Variants in LRP2 observed in about 807,000 individuals in gnomAD.
LRP2 encodes LDL receptor related protein 2.
LRP2 carries 172 observed loss-of-function variants against 531.0 expected under a neutral mutation model. The observed-to-expected ratio is 0.32, with a 90% confidence interval of 0.29 to 0.37. The LOEUF (loss-of-function observed/expected upper bound fraction) is 0.37, where lower values mean the gene tolerates loss of function less well. Among genes scored for constraint, LRP2 ranks in the 10% least tolerant of loss-of-function variants. LRP2 has a pLI of 1.00. For synonymous variants in LRP2, 1,992 were observed against 2,027.6 expected, an observed-to-expected ratio of 0.98 and a Z score of 0.47; for missense variants, 5,167 against 5,868.3, an observed-to-expected ratio of 0.88 and a Z score of 3.90.
At chr2:169,194,026 G>T in intron 46 of LRP2, 134 bp from the exon 47 acceptor site, 2 of 950,146 alleles carry the variant, frequency 2.1e-6, no homozygotes, top group Non-Finnish European at 3.3e-6. Flanking sequence ...ATCTAGGGTA[G>T]TCCTCCAATA....
In LRP2 at chr2:169,213,493, C is replaced by A. The variant is rs980383852; in HGVS notation, c.6040+164G>T. ...TGCCAAATTAGCCCTTGGCACTTAA[C>A]CATGTTTAAGACTTCATTATCATTT... On this transcript the variant is annotated intron_variant, in intron 36 of 78. Transcript: ENST00000649046. Among the ~76,000 whole-genome samples, 7 of 152,332 alleles carry A rather than the reference C, an allele frequency of 4.6e-5. No homozygotes were observed. In the East Asian group the frequency reaches 5.8e-4, roughly 13 times the overall value.
chr2:169,128,762 A>G lies in LRP2; in HGVS notation c.13869T>C (p.Pro4623=). The G allele has an allele frequency of 6.2e-7, 1 of 1,614,114 alleles. No individual in the cohort carries two copies. Among genetic ancestry groups the G allele is most frequent in the Non-Finnish European group, 8.5e-7 (1 of 1,179,976 alleles). ...TTGGGTCTCTTCTCGAAGGAGGCTT[A>G]GGCTTAGCAGGGAGCGAAGGTGATG... ...PPPSPSLPAK[P]KPPSRRDPTP... is the part of the protein sequence containing the mutation. The change falls in exon 79 of 79, where the codon CCT becomes CCC. Residue 4623 remains proline, a synonymous_variant. Coordinates refer to ENST00000649046, the MANE Select transcript of LRP2 (RefSeq NM_004525.3).
In LRP2 at chr2:169,233,442, A is replaced by C. The variant is rs1007040417; in HGVS notation, c.5067T>G (p.Ile1689Met). The C allele has an allele frequency of 6.2e-7, 1 of 1,614,100 alleles. No individual in the cohort carries two copies. Among genetic ancestry groups the C allele is most frequent in the African/African-American group, 1.3e-5 (1 of 74,924 alleles). Reference protein sequence around the residue: ...VMYNIQWPLGIVAVHPSKQPN... With the variant: ...VMYNIQWPLGMVAVHPSKQPN... ...GTTGTTTCGAAGGATGAACCGCAAC[A>C]ATCCCAAGGGGCCATTGAATATTAT... The change falls in exon 30 of 79, where the codon ATT becomes ATG. Residue 1689 changes from isoleucine to methionine, a missense_variant. Ile to Met is a conservative substitution (Grantham distance 10). This residue lies in a region of LRP2 where 2,811 missense variants were observed against 3,058.0 expected (regional missense o/e 0.92). Coordinates refer to ENST00000649046, the MANE Select transcript of LRP2 (RefSeq NM_004525.3).
At position 169,241,211 on chromosome 2, in the gene LRP2, T is replaced by C. The variant is rs764138962; in HGVS notation, c.3822A>G (p.Ser1274=). 5 of 1,614,018 alleles carry C rather than the reference T, an allele frequency of 3.1e-6. No individual in the cohort carries two copies. In the Admixed American group the frequency reaches 5.0e-5, roughly 16 times the overall value. The change falls in exon 25 of 79, where the codon TCA becomes TCG. Residue 1274 remains serine (S), a synonymous_variant. Coordinates refer to ENST00000649046, the MANE Select transcript of LRP2 (RefSeq NM_004525.3). Reference sequence around the variant, plus strand: ...AGTTTCCGTTGTCACAGTGGAAATATGATGAAGGGCAAGTCTTGGGGACAC... The same window carrying C: ...AGTTTCCGTTGTCACAGTGGAAATACGATGAAGGGCAAGTCTTGGGGACAC... ...NACVPKTCPS[S]YFHCDNGNCI...
intron 4 of LRP2, among the ~76,000 whole-genome samples, chr2:169,303,322 A>G (rs1684332800): frequency 6.6e-6 from 1 of 152,232 alleles, no homozygotes; most frequent in Admixed American, 6.5e-5. Flanking sequence ...GCACAGGCAT[A>G]TGGTTTAGAC....
intron 36 of LRP2, among the ~76,000 whole-genome samples, chr2:169,212,512 G>T (rs2105341648): frequency 6.6e-6 from 1 of 152,184 alleles, no homozygotes; most frequent in South Asian, 2.1e-4. Context: ...ATTTGCCTAT[G>T]AACTGGCACT....
chr2:169,172,306 G>A (rs889133233), intron 57 of LRP2, among the ~76,000 whole-genome samples, 172 bp from the exon 58 acceptor site: 14 of 152,140 alleles, frequency 9.2e-5, no homozygotes, highest in Non-Finnish European at 2.9e-5. Flanking sequence ...TAGCTACCCT[G>A]AGCCTATCCT....
At chr2:169,217,972 A>G (rs1197067099) in intron 34 of LRP2, among the ~76,000 whole-genome samples, 2 of 152,130 alleles carry the variant, frequency 1.3e-5, no homozygotes, top group African/African-American at 4.8e-5. Flanking sequence ...TCCTCCTTCC[A>G]TTCTTTTAAC....
chr2:169,153,085 G>A (rs2105357021), intron 66 of LRP2, 121 bp from the exon 67 acceptor site: 2 of 869,818 alleles, frequency 2.3e-6, no homozygotes, highest in East Asian at 4.8e-5. Context: ...CCTCACTGTT[G>A]TTATAATATG....
At chr2:169,356,622 C>T (rs932331572) in intron 1 of LRP2, among the ~76,000 whole-genome samples, 3 of 152,192 alleles carry the variant, frequency 2.0e-5, no homozygotes, top group African/African-American at 7.2e-5. Flanking sequence ...CCAAGATCCT[C>T]CAACTTCAAA....
intron 57 of LRP2, among the ~76,000 whole-genome samples, 153 bp from the exon 58 acceptor site, chr2:169,172,287 T>C: frequency 6.6e-6 from 1 of 152,150 alleles, no homozygotes; most frequent in Non-Finnish European, 1.5e-5. Context: ...TGGTCAACAT[T>C]CCCTCTTTTA....
chr2:169,157,622 A>G, intron 63 of LRP2, 120 bp from the exon 64 acceptor site: 1 of 1,148,762 alleles, frequency 8.7e-7, no homozygotes. Flanking sequence ...ACCCCTTTCC[A>G]TAAGCCTTGG....
intron 1 of LRP2, among the ~76,000 whole-genome samples, chr2:169,333,172 G>A (rs1347665665): frequency 1.3e-5 from 2 of 151,968 alleles, no homozygotes; most frequent in Non-Finnish European, 2.9e-5. Context: ...TTAAAAACTG[G>A]TTTTGCTGAT....
chr2:169,350,815 G>A (rs1016378498), intron 1 of LRP2, among the ~76,000 whole-genome samples: 1 of 151,726 alleles, frequency 6.6e-6, no homozygotes, highest in Admixed American at 6.6e-5. Context: ...AGCAGCCTGG[G>A]GCCCTCTTTG....
chr2:169,328,265 C>A lies in LRP2; in HGVS notation c.80-7381G>T, dbSNP rs374269552. On this transcript the variant is annotated intron_variant, in intron 1 of 78. Coordinates refer to ENST00000649046, the MANE Select transcript of LRP2 (RefSeq NM_004525.3). ...GGGGGTCAGCGCCCCGCCCGGCCAG[C>A]CGCCCCGTCCGGGAGGGAGGTGGGG... Among the ~76,000 whole-genome samples the A allele has an allele frequency of 4.2e-3, 199 of 47,420 alleles. 5 individuals are homozygous for A. The highest frequency in any genetic ancestry group is 0.012 in the African/African-American group (85 of 7,358). The allele number at this position is 47,420 out of a possible 152,430, so 31.1% of individuals were successfully genotyped here.
intron 4 of LRP2, among the ~76,000 whole-genome samples, chr2:169,304,143 C>G (rs1286074569): frequency 6.6e-6 from 1 of 152,152 alleles, no homozygotes; most frequent in Non-Finnish European, 1.5e-5. Context: ...AGTAGCAGTT[C>G]CTTTAGTCCC....
chr2:169,233,517 C>A lies in LRP2; in HGVS notation c.4992G>T (p.Arg1664=). The change falls in exon 30 of 79, where the codon CGG becomes CGT. Residue 1664 remains arginine, a synonymous_variant. Coordinates refer to ENST00000649046, the MANE Select transcript of LRP2 (RefSeq NM_004525.3). Reference sequence around the variant, plus strand: ...CATGCCACTTGTTGGCTCGCATAACCCGACGAGTAGCACGGTCAGTCCAGT... The same window carrying A: ...CATGCCACTTGTTGGCTCGCATAACACGACGAGTAGCACGGTCAGTCCAGT... ...SVYWTDRATR[R]VMRANKWHGG... The A allele has an allele frequency of 6.2e-7, 1 of 1,614,088 alleles. No individual in the cohort carries two copies. The highest frequency in any genetic ancestry group is 8.5e-7 in the Non-Finnish European group (1 of 1,180,030).
chr2:169,131,772 G>A (rs927165712), intron 77 of LRP2, among the ~76,000 whole-genome samples: 13 of 152,062 alleles, frequency 8.5e-5, no homozygotes, highest in Admixed American at 8.5e-4. Context: ...TGCCAATAGC[G>A]CCCCCAGTGA....
At position 169,172,101 on chromosome 2, in the gene LRP2, C is replaced by T. The variant is rs368370950; in HGVS notation, c.11177G>A (p.Arg3726His). 59 of 1,614,140 alleles carry T rather than the reference C, an allele frequency of 3.7e-5. No homozygotes were observed. Among genetic ancestry groups the T allele is most frequent in the East Asian group, 1.6e-4 (7 of 44,878 alleles). ...AGGGATGCAGTGGTGATTTTTACAG[C>T]GGAAATCCCCCACAGGATGGCATGT... is the stretch of plus-strand genomic sequence containing the variant. ...ERTCHPVGDF[R>H]CKNHHCIPLR... Residue 3726 changes from arginine to histidine, a missense_variant, in exon 58 of 79, where the codon CGC becomes CAC. Arg to His is a conservative substitution (Grantham distance 29). This residue lies in a region of LRP2 where 311 missense variants were observed against 309.4 expected (regional missense o/e 1.01). Transcript: ENST00000649046.
Sources: allele counts gnomAD v4.1 joint callset (sites outside exome capture counted in the v4.1 genomes callset), GRCh38; gene constraint gnomAD v4.1.1; regional missense constraint gnomAD v4.1.1; transcripts MANE v1.5; gene names NCBI Gene and HGNC (gene_info 2026-07-23, HGNC 2026-07-21).